RRM2: variants seen among roughly 807,000 people sequenced by gnomAD.
RRM2 encodes ribonucleoside-diphosphate reductase subunit M2.
In RRM2, 6 loss-of-function variants were observed where a neutral mutation model predicts 45.9. The observed-to-expected ratio is 0.13, with a 90% CI of 0.07 to 0.26. RRM2 has a LOEUF of 0.26. Ranked by LOEUF, RRM2 falls within the 10% of genes least tolerant of loss-of-function variation. The pLI, the probability that RRM2 is intolerant of heterozygous loss-of-function variation, is 1.00. For synonymous variants in RRM2, 177 were observed against 173.0 expected (o/e 1.02, Z -0.18); for missense variants, 343 against 489.5 (o/e 0.70, Z 2.82).
Position 10,128,970 on chromosome 2 carries a change from A to C in RRM2, c.903+18A>C, listed in dbSNP as rs148559555. 6.2e-7 allele frequency: 1 copy of C among 1,609,528 alleles called. No individual in the cohort carries two copies. The highest frequency in any genetic ancestry group is 8.5e-7 in the Non-Finnish European group (1 of 1,175,788). On this transcript the variant is annotated intron_variant, in intron 8 of 9. Coordinates refer to ENST00000304567, the MANE Select transcript of RRM2 (RefSeq NM_001034.4). ...TAGAACAGGTAAAGTGGGTGATGAA[A>C]TGGGTCACTCAAGCTTGCTAGAAAA...
At chr2:10,210,383 C>A in exon 4 of RRM2, 1 of 1,367,494 alleles carries the variant, frequency 7.3e-7, no homozygotes, top group Non-Finnish European at 9.8e-7. Context: ...AAGGGAGAGC[C>A]ACCGTGGTGC....
chr2:10,190,159 TGGTGA>T, intron 3 of RRM2, among the ~76,000 whole-genome samples: 4 of 129,056 alleles, frequency 3.1e-5, no homozygotes, highest in Non-Finnish European at 5.6e-5. Flanking sequence ...GTGGTATTGG[TGGTGA>T]TGGTGGTGGT....
intron 3 of RRM2, among the ~76,000 whole-genome samples, chr2:10,184,097 A>AAAAG: frequency 1.5e-5 from 2 of 133,924 alleles, no homozygotes; most frequent in Non-Finnish European, 3.3e-5. Flanking sequence ...CATCTAAAAA[A>AAAAG]AAAAAAAAAA....
intron 3 of RRM2, among the ~76,000 whole-genome samples, chr2:10,183,510 C>G (rs1664102784): frequency 6.6e-6 from 1 of 152,248 alleles, no homozygotes. Context: ...TTCCTTGATT[C>G]CGATCACAGC....
intron 3 of RRM2, among the ~76,000 whole-genome samples, chr2:10,148,991 A>T (rs772435379): frequency 6.6e-6 from 1 of 151,836 alleles, no homozygotes; most frequent in Non-Finnish European, 1.5e-5. Context: ...TCCTCTGCGC[A>T]CCTTTCCATT....
chr2:10,190,031 G>A (rs1664252515), intron 3 of RRM2, among the ~76,000 whole-genome samples: 2 of 151,990 alleles, frequency 1.3e-5, no homozygotes, highest in African/African-American at 2.4e-5. Flanking sequence ...TGGTGGTGAT[G>A]GTGGTGATGG....
rs1663759502 is a variant in RRM2, at chr2:10,169,785, G to A, written n.482+27410G>A. ...AGGACGGGAGCAGGAGCAGGAGGCT[G>A]AGGCCAGGGGGGATGGCAGCCCCCG... On this transcript the variant is annotated intron_variant and non_coding_transcript_variant, in intron 3 of 3. Transcript: ENST00000381786. This position sits in a 1 kb window ranked among gnomAD's most constrained non-coding sequence, Gnocchi z 5.1. 6.6e-6 allele frequency among the ~76,000 whole-genome samples: 1 copy of A among 152,230 alleles called. No homozygotes were observed. Among genetic ancestry groups the A allele is most frequent in the Non-Finnish European group, 1.5e-5 (1 of 68,044 alleles).
rs185756706 is a variant in RRM2, at chr2:10,188,450, G to A, written n.483-21861G>A. Among the ~76,000 whole-genome samples, 8 of 152,230 alleles carry A rather than the reference G, an allele frequency of 5.3e-5. No homozygotes were observed. The East Asian group carries it at 7.7e-4, about 15-fold the overall frequency. On this transcript the variant is annotated intron_variant and non_coding_transcript_variant, in intron 3 of 3. Coordinates refer to the RRM2 transcript ENST00000381786. ...TCTGTCCATGCATCCCTGGAGTCTC[G>A]CCCTCATCTGGTGGTCCTTTGTAAG... is the stretch of plus-strand genomic sequence containing the variant.
rs766971538 is a variant in RRM2 at position 10,126,939 on chromosome 2, C to T, written c.634C>T (p.Arg212Cys). 14 of 1,613,992 alleles carry T rather than the reference C, an allele frequency of 8.7e-6. No individual in the cohort carries two copies. Among genetic ancestry groups the T allele is most frequent in the Middle Eastern group, 1.6e-4 (1 of 6,084 alleles). Residue 212 changes from arginine to cysteine, a missense_variant, in exon 6 of 10, where the codon CGC becomes TGC. Transcript: ENST00000304567. Reference sequence around the variant, plus strand: ...CAAGAAGAAGGCAGACTGGGCCTTGCGCTGGATTGGGGACAAAGAGGCTAC... The same window carrying T: ...CAAGAAGAAGGCAGACTGGGCCTTGTGCTGGATTGGGGACAAAGAGGCTAC... ...CVKKKADWAL[R>C]WIGDKEATYG...
chr2:10,135,375 G>T (rs1662970518), downstream of RRM2, among the ~76,000 whole-genome samples: 1 of 152,102 alleles, frequency 6.6e-6, no homozygotes, highest in Non-Finnish European at 1.5e-5. Context: ...GAATACCAAG[G>T]TCTTTATACT....
At chr2:10,152,280 A>G (rs1663329254) in intron 3 of RRM2, among the ~76,000 whole-genome samples, 1 of 152,036 alleles carries the variant, frequency 6.6e-6, no homozygotes, top group Non-Finnish European at 1.5e-5. Context: ...GAGTTGTGTT[A>G]TATATTAGGT....
Position 10,130,506 on chromosome 2 carries a change from C to A in RRM2, c.*1120C>A, listed in dbSNP as rs557816054. On this transcript the variant is annotated 3_prime_UTR_variant, in exon 10 of 10. Transcript: ENST00000304567. The stretch of plus-strand genomic sequence containing the variant: ...TTACCTGTAGTTCATACTTCAGTCA[C>A]CCAGTGTCTTATTCTGGCATTGTCT... The A allele has an allele frequency of 6.6e-6, 1 of 152,128 alleles. No individual in the cohort carries two copies. 9.4% of individuals were successfully genotyped at this position (152,128 alleles called of 1,614,324 possible).
At position 10,122,910 on chromosome 2, in the gene RRM2, G is replaced by A; in HGVS notation, c.99+13G>A. The A allele has an allele frequency of 6.4e-7, 1 of 1,567,902 alleles. No individual in the cohort carries two copies. Among genetic ancestry groups the A allele is most frequent in the Non-Finnish European group, 8.6e-7 (1 of 1,159,368 alleles). ...CAAGGAGAACACGGTGAGCCCGCGGGGAGGGCGCTGCGGGCAGGGGAGGGA... is the reference window on the plus strand; with the variant it reads ...CAAGGAGAACACGGTGAGCCCGCGGAGAGGGCGCTGCGGGCAGGGGAGGGA... On this transcript the variant is annotated intron_variant, in intron 1 of 9. Transcript: ENST00000304567.
At chr2:10,194,576 G>T (rs988819737) in intron 3 of RRM2, among the ~76,000 whole-genome samples, 2 of 152,210 alleles carry the variant, frequency 1.3e-5, no homozygotes, top group Non-Finnish European at 2.9e-5. Context: ...CTTATGGCAC[G>T]TGTCCATTTC....
Position 10,210,664 on chromosome 2 carries a change from G to A in RRM2, n.836G>A, listed in dbSNP as rs565058051. ...TGCCGGAGTGGGGGAAATGGAACCC[G>A]CAAAGCCTGCAGGCCAGGGAGGGTG... On this transcript the variant is annotated non_coding_transcript_exon_variant, in exon 4 of 4. Transcript: ENST00000381786. 3.2e-5 allele frequency: 42 copies of A among 1,306,764 alleles called. 1 individual carries two copies. The highest frequency in any genetic ancestry group is 3.0e-4 in the African/African-American group (20 of 66,504). 80.9% of individuals were successfully genotyped at this position (1,306,764 alleles called of 1,614,324 possible). A position where few individuals can be genotyped will look rare whatever the true frequency, so the allele number is the denominator to read the frequency against.
Position 10,130,083 on chromosome 2 carries a change from A to G in RRM2, c.*697A>G, listed in dbSNP as rs569278922. ...GTCCTGGGATTCTCTGCCCCCTCTG[A>G]GTAGAGTGTTGTGGGATAAAGGAAT... On this transcript the variant is annotated 3_prime_UTR_variant, in exon 10 of 10. Coordinates refer to ENST00000304567, the MANE Select transcript of RRM2 (RefSeq NM_001034.4). The G allele has an allele frequency of 1.1e-4, 17 of 152,222 alleles. No homozygotes were observed. The East Asian group carries it at 3.1e-3, about 28-fold the overall frequency. 9.4% of individuals were successfully genotyped at this position (152,222 alleles called of 1,614,324 possible). A position where few individuals can be genotyped will look rare whatever the true frequency, so the allele number is the denominator to read the frequency against.
chr2:10,182,336 ACT>A (rs1412793180), intron 3 of RRM2, among the ~76,000 whole-genome samples: 4 of 151,516 alleles, frequency 2.6e-5, no homozygotes, highest in Non-Finnish European at 5.9e-5. Flanking sequence ...ACAGAGGAAG[ACT>A]CTGTCTCAAA....
chr2:10,162,444 C>T (rs920103387), intron 3 of RRM2, among the ~76,000 whole-genome samples: 2 of 152,098 alleles, frequency 1.3e-5, no homozygotes, highest in East Asian at 1.9e-4. Context: ...GGCTGTGTGA[C>T]GTCTGGGCCT....
chr2:10,181,713 G>A (rs1275304864), intron 3 of RRM2, among the ~76,000 whole-genome samples: 1 of 144,818 alleles, frequency 6.9e-6, no homozygotes, highest in Non-Finnish European at 1.5e-5. Context: ...AGGTGGGATT[G>A]TGCTCAATCT....
Sources: allele counts gnomAD v4.1 joint callset (sites outside exome capture counted in the v4.1 genomes callset), GRCh38; gene constraint gnomAD v4.1.1; non-coding constraint Gnocchi (gnomAD v3.1); transcripts MANE v1.5; gene names NCBI Gene and HGNC (gene_info 2026-07-23, HGNC 2026-07-21).